The following ABCA4 variants were observed in gnomAD, a reference collection of about 807,000 sequenced individuals.
ABCA4 encodes retinal-specific phospholipid-transporting ATPase ABCA4.
In ABCA4, 196 loss-of-function variants were observed where a neutral mutation model predicts 263.7. The ratio of observed to expected loss-of-function variants is 0.74; its 90% CI spans 0.66 to 0.84. The LOEUF is 0.84. Ranked by LOEUF, ABCA4 falls within the 40% of genes least tolerant of loss-of-function variation. ABCA4 has a pLI of 0.00. For synonymous variants in ABCA4, 1,133 were observed against 1,094.2 expected, an observed-to-expected ratio of 1.04 and a Z score of -0.70; for missense variants, 2,792 against 2,855.1, an observed-to-expected ratio of 0.98 and a Z score of 0.50.
At position 94,099,299 on chromosome 1, in the gene ABCA4, A is replaced by G. The variant is rs186212732; in HGVS notation, c.571-308T>C. On this transcript the variant is annotated intron_variant, in intron 5 of 49. Coordinates refer to ENST00000370225, the MANE Select transcript of ABCA4 (RefSeq NM_000350.3). Reference sequence around the variant, plus strand: ...TGGAGATGGAAGCAGACCACTAGCCAAAGAATGTGGCGTGTCTCTGGAGGC... The same window carrying G: ...TGGAGATGGAAGCAGACCACTAGCCGAAGAATGTGGCGTGTCTCTGGAGGC... Among the ~76,000 whole-genome samples, 88 of 152,336 alleles carry G rather than the reference A, an allele frequency of 5.8e-4. 1 individual carries two copies. The highest frequency in any genetic ancestry group is 2.0e-3 in the African/African-American group (82 of 41,586).
Position 94,005,545 on chromosome 1 carries a change from C to A in ABCA4, c.6043G>T (p.Gly2015Cys), listed in dbSNP as rs1436856077. The A allele has an allele frequency of 6.2e-7, 1 of 1,613,996 alleles. No homozygotes were observed. The highest frequency in any genetic ancestry group is 1.1e-5 in the South Asian group (1 of 91,080). Residue 2015 changes from glycine to cysteine, a missense_variant, in exon 44 of 50, where the codon GGC (glycine) becomes TGC (cysteine). Transcript: ENST00000370225. The part of the protein sequence containing the change: ...TNISEVHQNM[G>C]YCPQFDAIDE... ...ATTGCATCAAACTGAGGACAGTAGC[C>A]CATATTTTGATGGACTTCAGAAATA...
chr1:94,049,089 G>T, intron 17 of ABCA4, 132 bp from the exon 18 acceptor site: 1 of 801,918 alleles, frequency 1.2e-6, no homozygotes, highest in Non-Finnish European at 2.1e-6. Context: ...GGACTGTGAG[G>T]TACTCAAGCC....
At chr1:94,082,383 T>G (rs1661724424) in intron 7 of ABCA4, among the ~76,000 whole-genome samples, 1 of 152,224 alleles carries the variant, frequency 6.6e-6, no homozygotes, top group South Asian at 2.1e-4. Flanking sequence ...ACTAAGAGTG[T>G]TGATATACTT....
intron 11 of ABCA4, among the ~76,000 whole-genome samples, chr1:94,066,641 A>G (rs920256963): frequency 1.3e-5 from 2 of 152,240 alleles, no homozygotes; most frequent in South Asian, 2.1e-4. Flanking sequence ...GCCTTGCCCA[A>G]GGTCAATCTA....
intron 13 of ABCA4, 69 bp downstream of exon 13, chr1:94,062,508 G>A: frequency 2.7e-5 from 22 of 811,712 alleles, no homozygotes; most frequent in Non-Finnish European, 3.2e-5. Flanking sequence ...GGCACCCCCA[G>A]CCCACCCCAG....
intron 3 of ABCA4, among the ~76,000 whole-genome samples, chr1:94,109,252 G>A (rs4147815): frequency 0.27 from 41,302 of 152,122 alleles, 6,128 homozygotes; most frequent in African/African-American, 0.39. Flanking sequence ...CTCGCCTCTC[G>A]GTCCCATGCT....
intron 4 of ABCA4, among the ~76,000 whole-genome samples, chr1:94,107,512 G>C (rs1271549809): frequency 6.6e-6 from 1 of 152,194 alleles, no homozygotes; most frequent in Non-Finnish European, 1.5e-5. Flanking sequence ...AGGCACATTG[G>C]TGTTATTACT....
At chr1:94,075,660 C>T (rs910157995) in intron 11 of ABCA4, among the ~76,000 whole-genome samples, 6 of 152,194 alleles carry the variant, frequency 3.9e-5, no homozygotes, top group Non-Finnish European at 5.9e-5. Context: ...GGGCATGCTC[C>T]CGAGGGCCCT....
chr1:94,002,960 T>C (rs1294115977), intron 44 of ABCA4, among the ~76,000 whole-genome samples: 4 of 150,732 alleles, frequency 2.7e-5, no homozygotes, highest in Admixed American at 2.0e-4. Context: ...ATAAAAATAG[T>C]TCATAGAATT....
chr1:94,110,958 A>T (rs770398926), intron 3 of ABCA4, among the ~76,000 whole-genome samples: 3 of 152,204 alleles, frequency 2.0e-5, no homozygotes, highest in African/African-American at 4.8e-5. Context: ...TTCTCCCAAG[A>T]AGTAAACTTG....
In ABCA4 at chr1:94,078,547, G is replaced by A. The variant is rs376982004; in HGVS notation, c.1356+43C>T. ...CAAGTGGAACTTTCTTGCCCCCACC[G>A]CTTCCTCCTCCCCTCCCCTCCCCAT... is the stretch of plus-strand genomic sequence containing the variant. On this transcript the variant is annotated intron_variant, in intron 10 of 49. Coordinates refer to ENST00000370225, the MANE Select transcript of ABCA4 (RefSeq NM_000350.3). 5.1e-4 allele frequency: 448 copies of A among 885,884 alleles called. 1 individual carries two copies. In the African/African-American group the frequency reaches 6.5e-3, roughly 13 times the overall value. The allele number at this position is 885,884 out of a possible 1,614,324, so 54.9% of individuals were successfully genotyped here.
chr1:94,067,031 G>A (rs980931355), intron 11 of ABCA4, among the ~76,000 whole-genome samples: 9 of 152,192 alleles, frequency 5.9e-5, no homozygotes, highest in Non-Finnish European at 7.3e-5. Context: ...GGCTGGGGCC[G>A]TGGCTTGTTC....
At position 94,030,537 on chromosome 1, in the gene ABCA4, T is replaced by TG. The variant is rs1481370364; in HGVS notation, c.4254-12dup. 6.2e-7 allele frequency: 1 copy of TG among 1,612,922 alleles called. No homozygotes were observed. Among genetic ancestry groups the TG allele is most frequent in the Non-Finnish European group, 8.5e-7 (1 of 1,179,098 alleles). On this transcript the variant is annotated splice_polypyrimidine_tract_variant and intron_variant, in intron 28 of 49. Transcript: ENST00000370225. ...CCTGGTTCATCCATGCTAGACAGAG[T>TG]GAGACATGTGACTGGGACAGAGCAG... is the stretch of plus-strand genomic sequence containing the variant.
At chr1:94,083,601 CTT>C (rs4147883) in intron 6 of ABCA4, among the ~76,000 whole-genome samples, 160 bp from the exon 7 acceptor site, 2 of 152,190 alleles carry the variant, frequency 1.3e-5, no homozygotes, top group African/African-American at 4.8e-5. Flanking sequence ...ACAAAAAACT[CTT>C]TTATTTAATT....
In ABCA4 at chr1:94,098,924, A is replaced by T. The variant is rs751029989; in HGVS notation, c.638T>A (p.Phe213Tyr). Residue 213 changes from phenylalanine to tyrosine, a missense_variant, in exon 6 of 50, where the codon TTC (phenylalanine) becomes TAC (tyrosine). Coordinates refer to ENST00000370225, the MANE Select transcript of ABCA4 (RefSeq NM_000350.3). The stretch of plus-strand genomic sequence containing the variant: ...CCCGCGTCTCTGGCTGAAGATGATG[A>T]AGCGCTCCAGGAGGGCCTCGCTGCA... ...IACSEALLERFIIFSQRRGAK... is the reference protein window; with the variant it reads ...IACSEALLERYIIFSQRRGAK... The T allele has an allele frequency of 5.0e-5, 81 of 1,613,518 alleles. No individual in the cohort carries two copies. Among genetic ancestry groups the T allele is most frequent in the Non-Finnish European group, 6.6e-5 (78 of 1,180,034 alleles).
chr1:94,001,739 G>T, intron 45 of ABCA4, 119 bp downstream of exon 45: 1 of 1,441,540 alleles, frequency 6.9e-7, no homozygotes, highest in Non-Finnish European at 9.6e-7. Context: ...ACAGGAAACA[G>T]TCCAGACTAA....
In ABCA4 at chr1:94,046,473, A is replaced by AAAAAG. The variant is rs71094277; in HGVS notation, c.2918+445_2918+446insCTTTT. On this transcript the variant is annotated intron_variant, in intron 19 of 49. Transcript: ENST00000370225. ...ACTATCTCAAAAAAAAAAAAAAAAAAAAAGAAAAGAAAAGAGAAAGGAAAT... is the reference window on the plus strand; with the variant it reads ...ACTATCTCAAAAAAAAAAAAAAAAAAAAAAGAAAGAAAAGAAAAGAGAAAGGAAAT... 5.5e-4 allele frequency among the ~76,000 whole-genome samples: 66 copies of AAAAAG among 120,788 alleles called. 1 individual carries two copies. Among genetic ancestry groups the AAAAAG allele is most frequent in the South Asian group, 7.7e-4 (3 of 3,904 alleles). 79.2% of individuals were successfully genotyped at this position (120,788 alleles called of 152,430 possible). A position where few individuals can be genotyped will look rare whatever the true frequency, so the allele number is the denominator to read the frequency against.
At chr1:94,037,396 T>A (rs764832447) in intron 24 of ABCA4, 46 bp from the exon 25 acceptor site, 14 of 1,575,588 alleles carry the variant, frequency 8.9e-6, no homozygotes, top group Non-Finnish European at 1.2e-5. Context: ...TTCCAGAAAC[T>A]GGAAGACTGT....
chr1:94,101,750 T>C (rs1483143959), intron 5 of ABCA4, among the ~76,000 whole-genome samples: 1 of 152,152 alleles, frequency 6.6e-6, no homozygotes, highest in Admixed American at 6.5e-5. Flanking sequence ...GATCTAGCAT[T>C]CTCGCTGTGT....
Sources: gnomAD v4.1 joint callset for allele counts (sites outside exome capture counted in the v4.1 genomes callset) on GRCh38, gnomAD v4.1.1 for gene constraint, MANE v1.5 for transcripts, NCBI Gene and HGNC (gene_info 2026-07-23, HGNC 2026-07-21) for gene names.